The following PDE4DIP variants were observed in gnomAD, a reference collection of about 807,000 sequenced individuals.
PDE4DIP encodes the protein phosphodiesterase 4D interacting protein, also known as myomegalin.
In PDE4DIP, 59 loss-of-function variants were observed where a neutral mutation model predicts 221.4. That is an observed-to-expected ratio of 0.27 (90% CI 0.22 to 0.33). PDE4DIP has a LOEUF of 0.33. PDE4DIP is among the 10% of genes least tolerant of loss of function. The pLI is 1.00. For synonymous variants in PDE4DIP, 404 were observed against 815.9 expected (o/e 0.50, Z 8.60); for missense variants, 1,036 against 2,154.2 (o/e 0.48, Z 10.28).
At chr1:148,976,321 A>G (rs1156456726) in intron 17 of PDE4DIP, among the ~76,000 whole-genome samples, 2 of 152,244 alleles carry the variant, frequency 1.3e-5, no homozygotes, top group Non-Finnish European at 2.9e-5. Context: ...AAGATATTAT[A>G]GCCTAGTGGC....
intron 5 of PDE4DIP, chr1:148,953,934 C>G: frequency 6.4e-7 from 1 of 1,551,136 alleles, no homozygotes; most frequent in South Asian, 1.2e-5. Flanking sequence ...TAGTGCCTTT[C>G]TGATTATAGC....
chr1:148,992,177 C>T (rs1405473783), intron 22 of PDE4DIP: 20 of 700,934 alleles, frequency 2.9e-5, no homozygotes, highest in Non-Finnish European at 5.0e-6. Context: ...TCCAATCCAC[C>T]CTTTGGTTTG....
At chr1:148,994,508 GA>G (rs1204587354) in intron 22 of PDE4DIP, among the ~76,000 whole-genome samples, 1 of 149,286 alleles carries the variant, frequency 6.7e-6, no homozygotes, top group Admixed American at 6.7e-5. Flanking sequence ...TGATAAACTT[GA>G]AAAAAGCTAT....
At chr1:148,978,162 C>T in intron 18 of PDE4DIP, 109 bp downstream of exon 21, 1 of 1,295,006 alleles carries the variant, frequency 7.7e-7, no homozygotes, top group South Asian at 1.3e-5. Context: ...CAGTGATTAT[C>T]CATATCCCAC....
At chr1:149,000,297 G>A (rs1208625902) in intron 23 of PDE4DIP, among the ~76,000 whole-genome samples, 1 of 152,204 alleles carries the variant, frequency 6.6e-6, no homozygotes, top group Non-Finnish European at 1.5e-5. Context: ...GCTCATGCCT[G>A]TAATCTCAAC....
chr1:148,892,142 C>T (rs1425185584), intron 1 of PDE4DIP, among the ~76,000 whole-genome samples: 1 of 119,862 alleles, frequency 8.3e-6, no homozygotes, highest in Non-Finnish European at 1.7e-5. Flanking sequence ...CTACAGACCC[C>T]TGCTACCACA....
At chr1:148,898,863 G>T (rs2040023905) in intron 1 of PDE4DIP, among the ~76,000 whole-genome samples, 2 of 110,960 alleles carry the variant, frequency 1.8e-5, no homozygotes, top group Non-Finnish European at 3.5e-5. Context: ...ACAGAGTCTT[G>T]CTCTGTCGGC....
chr1:148,877,016 A>G (rs1402282949), intron 3 of PDE4DIP, among the ~76,000 whole-genome samples: 2 of 145,670 alleles, frequency 1.4e-5, no homozygotes, highest in Middle Eastern at 3.2e-3. Context: ...CGTCTCAAAA[A>G]AAACAAAAAA....
chr1:148,963,321 G>A (rs1485386569), intron 9 of PDE4DIP, among the ~76,000 whole-genome samples: 6 of 152,188 alleles, frequency 3.9e-5, no homozygotes, highest in Admixed American at 6.5e-5. Flanking sequence ...TCCACTGGGC[G>A]TCTTAGAATG....
In PDE4DIP at chr1:148,962,188, A is replaced by AT. The variant is rs1352641011; in HGVS notation, c.889-4dup. The stretch of plus-strand genomic sequence containing the variant: ...TAACATATTTGATATTCCCTCTCTC[A>AT]TTTTCAGACTGAGGAGTTGTACCAG... On this transcript the variant is annotated splice_region_variant and splice_polypyrimidine_tract_variant and intron_variant, in intron 7 of 43. Transcript: ENST00000369354. 1 of 768,768 alleles carries AT rather than the reference A, an allele frequency of 1.3e-6. No homozygotes were observed. The highest frequency in any genetic ancestry group is 2.3e-6 in the Non-Finnish European group (1 of 439,704). 47.6% of individuals were successfully genotyped at this position (768,768 alleles called of 1,614,324 possible).
chr1:148,998,824 T>C (rs1409143263), intron 23 of PDE4DIP, among the ~76,000 whole-genome samples: 3 of 150,986 alleles, frequency 2.0e-5, no homozygotes, highest in Non-Finnish European at 2.9e-5. Flanking sequence ...GACTGCAAGC[T>C]CCACCTCTCG....
chr1:148,981,896 G>A (rs1320976063), intron 21 of PDE4DIP: 1 of 163,520 alleles, frequency 6.1e-6, no homozygotes, highest in East Asian at 1.6e-4. Context: ...AAGCATGCAA[G>A]TTTTAAGATG....
intron 21 of PDE4DIP, chr1:148,982,447 A>G (rs1328120091): frequency 6.6e-6 from 1 of 152,212 alleles, no homozygotes; most frequent in African/African-American, 2.4e-5. Context: ...TTGAAGTGCT[A>G]GAATAGTTTA....
chr1:148,938,849 G>A (rs1367161305), intron 5 of PDE4DIP, among the ~76,000 whole-genome samples: 1 of 150,656 alleles, frequency 6.6e-6, no homozygotes, highest in Admixed American at 6.6e-5. Flanking sequence ...AGTGCAGTGG[G>A]ATGATCTCGG....
At chr1:148,980,626 T>C (rs2060927284) in intron 20 of PDE4DIP, among the ~76,000 whole-genome samples, 1 of 152,162 alleles carries the variant, frequency 6.6e-6, no homozygotes, top group Non-Finnish European at 1.5e-5. Context: ...TAGCCCCTTT[T>C]ATTCTTTTTC....
At chr1:148,990,556 A>G (rs1209906364) in intron 21 of PDE4DIP, among the ~76,000 whole-genome samples, 5 of 151,810 alleles carry the variant, frequency 3.3e-5, no homozygotes, top group Non-Finnish European at 7.4e-5. Flanking sequence ...TCTGTCTAAG[A>G]GTCCAGAGTC....
chr1:148,930,663 CA>C (rs1333532131), intron 2 of PDE4DIP: 1 of 148,944 alleles, frequency 6.7e-6, no homozygotes, highest in Non-Finnish European at 1.5e-5. Context: ...AAGATCTCTA[CA>C]AGGAGAACTA....
chr1:148,927,888 C>T (rs1247547485), intron 1 of PDE4DIP, among the ~76,000 whole-genome samples: 3 of 151,492 alleles, frequency 2.0e-5, no homozygotes, highest in Admixed American at 6.6e-5. Context: ...AGAATGCATT[C>T]CCACTGACAT....
chr1:148,981,330 G>T (rs1553542710), exon 21 of PDE4DIP: 1 of 1,614,078 alleles, frequency 6.2e-7, no homozygotes, highest in African/African-American at 1.3e-5. Flanking sequence ...TACGCAGTCG[G>T]CTAGAAGAAG....
Sources: gnomAD v4.1 joint callset for allele counts (sites outside exome capture counted in the v4.1 genomes callset) on GRCh38, gnomAD v4.1.1 for gene constraint, MANE v1.5 for transcripts, NCBI Gene and HGNC (gene_info 2026-07-23, HGNC 2026-07-21) for gene names.